Variants in BPNT2 observed in about 807,000 individuals in gnomAD.
BPNT2 encodes 3'(2'), 5'-bisphosphate nucleotidase 2, also known as Golgi-resident adenosine 3',5'-bisphosphate 3'-phosphatase.
In BPNT2, 11 loss-of-function variants were observed where a neutral mutation model predicts 29.3. The ratio of observed to expected loss-of-function variants is 0.38; its 90% CI spans 0.24 to 0.62. BPNT2 has a LOEUF of 0.62. Ranked by LOEUF, BPNT2 falls within the 20% of genes least tolerant of loss-of-function variation. The pLI, the probability that BPNT2 is intolerant of heterozygous loss-of-function variation, is 0.62. For missense variants in BPNT2, 459 were observed against 473.4 expected (o/e 0.97, Z 0.28); for synonymous variants, 195 against 187.7 (o/e 1.04, Z -0.32).
intron 1 of BPNT2, among the ~76,000 whole-genome samples, chr8:56,985,875 G>A (rs144978045): frequency 1.5e-3 from 236 of 152,322 alleles, no homozygotes; most frequent in Non-Finnish European, 2.2e-3. Context: ...AAATGTAGAT[G>A]TACAAAATAT....
intron 1 of BPNT2, 89 bp downstream of exon 1, chr8:56,993,110 C>T: frequency 2.0e-6 from 3 of 1,532,090 alleles, no homozygotes; most frequent in South Asian, 1.2e-5. Flanking sequence ...CAAAATGGAA[C>T]CAGAAGCTCC....
rs558444923 is a variant in BPNT2, at chr8:56,982,617, G to A, written c.388-2420C>T. On this transcript the variant is annotated intron_variant, in intron 1 of 4. Coordinates refer to ENST00000262644, the MANE Select transcript of BPNT2 (RefSeq NM_017813.5). ...TTAGATTCTAGTATAGATAAACAAC[G>A]AGACACATGAAAAAACATGTAGTAT... Among the ~76,000 whole-genome samples, 3 of 151,940 alleles carry A rather than the reference G, an allele frequency of 2.0e-5. No individual in the cohort carries two copies. The South Asian group carries it at 6.3e-4, about 32-fold the overall frequency.
intron 3 of BPNT2, among the ~76,000 whole-genome samples, chr8:56,970,073 A>G (rs1053653361): frequency 6.6e-6 from 1 of 152,240 alleles, no homozygotes; most frequent in Non-Finnish European, 1.5e-5. Context: ...ATCTCATTTT[A>G]TAACATCTTT....
At chr8:56,983,095 G>T (rs1340021595) in intron 1 of BPNT2, among the ~76,000 whole-genome samples, 1 of 152,238 alleles carries the variant, frequency 6.6e-6, no homozygotes, top group South Asian at 2.1e-4. Context: ...AGAATAAACA[G>T]TTAATGGGGT....
At chr8:56,986,595 G>A (rs942524680) in intron 1 of BPNT2, among the ~76,000 whole-genome samples, 1 of 152,162 alleles carries the variant, frequency 6.6e-6, no homozygotes, top group Non-Finnish European at 1.5e-5. Context: ...TACTGCATAA[G>A]TTGAAAATAT....
At chr8:56,978,227 C>A in intron 2 of BPNT2, 82 bp from the exon 3 acceptor site, 2 of 925,280 alleles carry the variant, frequency 2.2e-6, no homozygotes, top group South Asian at 2.6e-5. Context: ...CACTTTAGTT[C>A]ATTAAAAAAT....
In BPNT2 at chr8:56,960,880, T is replaced by C. The variant is rs1467075353; in HGVS notation, c.*2913A>G. Reference sequence around the variant, plus strand: ...ATAGTGAACTAGGCCTCCTCCAGGATTGATCTCTGATACTAGGAACTTTAC... The same window carrying C: ...ATAGTGAACTAGGCCTCCTCCAGGACTGATCTCTGATACTAGGAACTTTAC... On this transcript the variant is annotated 3_prime_UTR_variant, in exon 5 of 5. Coordinates refer to ENST00000262644, the MANE Select transcript of BPNT2 (RefSeq NM_017813.5). 3.3e-5 allele frequency: 5 copies of C among 152,224 alleles called. No homozygotes were observed. Among genetic ancestry groups the C allele is most frequent in the Admixed American group, 2.0e-4 (3 of 15,284 alleles). 9.4% of individuals were successfully genotyped at this position (152,224 alleles called of 1,614,324 possible).
intron 3 of BPNT2, among the ~76,000 whole-genome samples, chr8:56,969,333 T>C (rs1328634012): frequency 6.6e-6 from 1 of 152,218 alleles, no homozygotes; most frequent in East Asian, 1.9e-4. Flanking sequence ...GATCATACCA[T>C]GAGTTAGCTC....
chr8:56,970,771 A>G (rs998851632), intron 3 of BPNT2, among the ~76,000 whole-genome samples: 1 of 152,180 alleles, frequency 6.6e-6, no homozygotes, highest in African/African-American at 2.4e-5. Context: ...TTTAAGGTAC[A>G]CAGGCCAAAA....
intron 1 of BPNT2, among the ~76,000 whole-genome samples, chr8:56,990,091 A>T (rs1806393625): frequency 6.6e-6 from 1 of 152,204 alleles, no homozygotes; most frequent in East Asian, 1.9e-4. Context: ...GTGCTTCTCA[A>T]ACTTTTCTGG....
At chr8:56,982,747 T>C (rs1806265699) in intron 1 of BPNT2, among the ~76,000 whole-genome samples, 1 of 152,016 alleles carries the variant, frequency 6.6e-6, no homozygotes, top group South Asian at 2.1e-4. Flanking sequence ...GGTTATTCTT[T>C]AAGAAAAAGG....
chr8:56,966,829 C>T (rs1194668186), intron 3 of BPNT2, among the ~76,000 whole-genome samples: 1 of 152,170 alleles, frequency 6.6e-6, no homozygotes, highest in African/African-American at 2.4e-5. Flanking sequence ...TTTTAAAATG[C>T]ATTTTCTCCT....
chr8:56,992,855 A>T (rs1171177229), intron 1 of BPNT2, among the ~76,000 whole-genome samples: 1 of 152,050 alleles, frequency 6.6e-6, no homozygotes, highest in African/African-American at 2.4e-5. Flanking sequence ...AAGGATAGAG[A>T]GTCTTGGTGG....
chr8:56,985,524 GCAGC>G (rs1806314093), intron 1 of BPNT2, among the ~76,000 whole-genome samples: 1 of 152,132 alleles, frequency 6.6e-6, no homozygotes, highest in East Asian at 1.9e-4. Context: ...AATGAACAAT[GCAGC>G]TTTTAGAGAA....
rs966546804 is a variant in BPNT2 at position 56,963,104 on chromosome 8, A to G, written c.*689T>C. On this transcript the variant is annotated 3_prime_UTR_variant, in exon 5 of 5. Coordinates refer to ENST00000262644, the MANE Select transcript of BPNT2 (RefSeq NM_017813.5). ...TGGCAGAAATGCTGAACTCATGGGT[A>G]CAAACACACTTTTCTTTATAAAAAC... 1 of 152,288 alleles carries G rather than the reference A, an allele frequency of 6.6e-6. No individual in the cohort carries two copies. The highest frequency in any genetic ancestry group is 2.4e-5 in the African/African-American group (1 of 41,458). The allele number at this position is 152,288 out of a possible 1,614,324, so 9.4% of individuals were successfully genotyped here.
At position 56,963,773 on chromosome 8, in the gene BPNT2, T is replaced by TAC. The variant is rs768948674; in HGVS notation, c.*18_*19dup. On this transcript the variant is annotated 3_prime_UTR_variant, in exon 5 of 5. Coordinates refer to ENST00000262644, the MANE Select transcript of BPNT2 (RefSeq NM_017813.5). The stretch of plus-strand genomic sequence containing the variant: ...TAACCATTTCAGCTGTGAAGAACTG[T>TAC]ACCCTGTAATCAGTTATGCTCATTT... 6.2e-7 allele frequency: 1 copy of TAC among 1,613,724 alleles called. No homozygotes were observed. The highest frequency in any genetic ancestry group is 2.2e-5 in the East Asian group (1 of 44,872).
intron 1 of BPNT2, among the ~76,000 whole-genome samples, chr8:56,981,618 T>C (rs562787845): frequency 2.0e-4 from 30 of 152,288 alleles, no homozygotes; most frequent in Non-Finnish European, 4.1e-4. Flanking sequence ...TGCATTTACT[T>C]TTGTAAACTG....
chr8:56,983,173 A>C (rs1185220256), intron 1 of BPNT2, among the ~76,000 whole-genome samples: 1 of 152,218 alleles, frequency 6.6e-6, no homozygotes, highest in Non-Finnish European at 1.5e-5. Context: ...ACAATTTGGC[A>C]GTTCTAAAAA....
chr8:56,988,607 T>C (rs943559741), intron 1 of BPNT2, among the ~76,000 whole-genome samples: 1 of 152,220 alleles, frequency 6.6e-6, no homozygotes, highest in Non-Finnish European at 1.5e-5. Flanking sequence ...TCCCCTTTCA[T>C]GTTATATTCT....
Sources: gnomAD v4.1 joint callset for allele counts (sites outside exome capture counted in the v4.1 genomes callset) on GRCh38, gnomAD v4.1.1 for gene constraint, MANE v1.5 for transcripts, NCBI Gene and HGNC (gene_info 2026-07-23, HGNC 2026-07-21) for gene names.